CTNND2: variants seen among roughly 807,000 people sequenced by gnomAD.
The protein encoded by CTNND2 is catenin delta 2.
In CTNND2, 22 loss-of-function variants were observed where a neutral mutation model predicts 144.4. The ratio of observed to expected loss-of-function variants is 0.15; its 90% CI spans 0.11 to 0.22. CTNND2 has a LOEUF of 0.22. Among genes scored for constraint, CTNND2 ranks in the 10% least tolerant of loss-of-function variants. The pLI is 1.00. For missense variants in CTNND2, 1,353 were observed against 1,618.8 expected, an observed-to-expected ratio of 0.84 and a Z score of 2.82; for synonymous variants, 751 against 695.6, an observed-to-expected ratio of 1.08 and a Z score of -1.25.
chr5:11,682,740 A>G (rs539301610), intron 2 of CTNND2, among the ~76,000 whole-genome samples: 2 of 152,344 alleles, frequency 1.3e-5, no homozygotes, highest in East Asian at 3.9e-4. Context: ...GTGAAGGGCA[A>G]GTAATACAAG....
chr5:11,433,668 C>G (rs977854234), intron 3 of CTNND2, among the ~76,000 whole-genome samples: 2 of 152,134 alleles, frequency 1.3e-5, no homozygotes, highest in Non-Finnish European at 2.9e-5. Context: ...CACTTTTAAA[C>G]AAGCAGATCT....
chr5:11,055,060 G>A (rs1319185805), intron 16 of CTNND2, among the ~76,000 whole-genome samples: 1 of 152,178 alleles, frequency 6.6e-6, no homozygotes, highest in Non-Finnish European at 1.5e-5. Flanking sequence ...CTGGCTTGAA[G>A]TGTGGCAGGA....
chr5:11,235,073 TGA>T (rs1741478497), intron 10 of CTNND2, among the ~76,000 whole-genome samples: 1 of 152,140 alleles, frequency 6.6e-6, no homozygotes, highest in Non-Finnish European at 1.5e-5. Flanking sequence ...TCTTGGTGTG[TGA>T]GTCATGCCAG....
At chr5:11,180,129 C>T (rs918472934) in intron 11 of CTNND2, among the ~76,000 whole-genome samples, 4 of 152,084 alleles carry the variant, frequency 2.6e-5, no homozygotes, top group African/African-American at 9.7e-5. Context: ...GAGGTGACTG[C>T]ATCATGGGGG....
intron 3 of CTNND2, among the ~76,000 whole-genome samples, chr5:11,459,595 GTTTTCAGGTAGTTC>G (rs1766024944): frequency 1.3e-5 from 2 of 152,106 alleles, no homozygotes; most frequent in South Asian, 4.1e-4. Flanking sequence ...AATATGAAAT[GTTTTCAGGTAGTTC>G]TTTTATTTGT....
At chr5:11,655,605 G>C in intron 2 of CTNND2, among the ~76,000 whole-genome samples, 1 of 152,072 alleles carries the variant, frequency 6.6e-6, no homozygotes, top group Non-Finnish European at 1.5e-5. Context: ...TTTTAAGGAA[G>C]AAGTCCATAC....
intron 3 of CTNND2, among the ~76,000 whole-genome samples, chr5:11,503,168 C>T (rs25936): frequency 0.027 from 4,183 of 152,266 alleles, 142 homozygotes; most frequent in African/African-American, 0.09. Flanking sequence ...CTATCCCCTT[C>T]GCAGTCACAT....
rs574805729 is a variant in CTNND2 at position 11,502,006 on chromosome 5, T to C, written c.287+62938A>G. Among the ~76,000 whole-genome samples, 178 of 123,854 alleles carry C rather than the reference T, an allele frequency of 1.4e-3. 2 individuals are homozygous for C. In the South Asian group the frequency reaches 0.017, roughly 12 times the overall value. 81.3% of individuals were successfully genotyped at this position (123,854 alleles called of 152,430 possible). A position where few individuals can be genotyped will look rare whatever the true frequency, so the allele number is the denominator to read the frequency against. On this transcript the variant is annotated intron_variant, in intron 3 of 21. Transcript: ENST00000304623. Reference sequence around the variant, plus strand: ...TTGCGCTACTGCACTCCAGCCTGGGTGACAGAGCGAGACTCCATCTCAAAA... The same window carrying C: ...TTGCGCTACTGCACTCCAGCCTGGGCGACAGAGCGAGACTCCATCTCAAAA...
intron 1 of CTNND2, among the ~76,000 whole-genome samples, chr5:11,827,252 G>A (rs1039781302): frequency 1.3e-5 from 2 of 152,278 alleles, no homozygotes; most frequent in Admixed American, 1.3e-4. Flanking sequence ...GAAAGTCAAA[G>A]CGAGATTATA....
chr5:11,058,076 A>T (rs1208622970), intron 16 of CTNND2, among the ~76,000 whole-genome samples: 2 of 152,246 alleles, frequency 1.3e-5, no homozygotes, highest in African/African-American at 4.8e-5. Context: ...AGAGCATAAA[A>T]GTTTGGAAAA....
rs1437659073 is a variant in CTNND2 at position 11,385,111 on chromosome 5, G to A, written c.731C>T (p.Pro244Leu). Residue 244 changes from proline (P) to leucine (L), a missense_variant, in exon 7 of 22, where the codon CCG (proline) becomes CTG (leucine). Around this residue, in one of 4 missense-constraint regions of CTNND2, gnomAD observed 708 missense variants for 706.4 expected, o/e 1.00. Transcript: ENST00000304623. The part of the protein sequence containing the change: ...LGSAFHLPDA[P>L]PAAAAAALYY... ...GAGCGCGGCGGCGGCGGCGGCGGGC[G>A]GCGCGTCGGGCAGGTGGAAGGCGCT... The A allele has an allele frequency of 3.9e-6, 4 of 1,026,878 alleles. No individual in the cohort carries two copies. The highest frequency in any genetic ancestry group is 5.4e-5 in the Admixed American group (1 of 18,676). The allele number at this position is 1,026,878 out of a possible 1,614,324, so 63.6% of individuals were successfully genotyped here.
rs1785778712 is a variant in CTNND2, at chr5:11,707,576, T to G, written c.174+24560A>C. Reference sequence around the variant, plus strand: ...CACAGGAAAAAACTACAATAGGTGATGAGTGACAGTCCAAAATCCCCAAAA... The same window carrying G: ...CACAGGAAAAAACTACAATAGGTGAGGAGTGACAGTCCAAAATCCCCAAAA... On this transcript the variant is annotated intron_variant, in intron 2 of 21. Transcript: ENST00000304623. Among the ~76,000 whole-genome samples the G allele has an allele frequency of 2.0e-5, 3 of 152,292 alleles. No homozygotes were observed. The South Asian group carries it at 6.2e-4, about 32-fold the overall frequency.
At chr5:11,029,207 T>C (rs1743188539) in intron 16 of CTNND2, among the ~76,000 whole-genome samples, 1 of 152,364 alleles carries the variant, frequency 6.6e-6, no homozygotes, top group Admixed American at 6.5e-5. Context: ...GTAGGCAACA[T>C]ATAATTGCAT....
chr5:11,653,333 A>C (rs1372927268), intron 2 of CTNND2, among the ~76,000 whole-genome samples: 1 of 151,954 alleles, frequency 6.6e-6, no homozygotes. Flanking sequence ...CCATGCCCTA[A>C]TGTCTCTACC....
intron 2 of CTNND2, among the ~76,000 whole-genome samples, chr5:11,633,775 C>A (rs1316192088): frequency 7.6e-4 from 104 of 136,362 alleles, no homozygotes; most frequent in Middle Eastern, 3.7e-3. Flanking sequence ...GGCACTGTCT[C>A]AAAAAAAAAA....
At chr5:11,353,140 T>C (rs1166125214) in intron 8 of CTNND2, among the ~76,000 whole-genome samples, 1 of 151,210 alleles carries the variant, frequency 6.6e-6, no homozygotes, top group Non-Finnish European at 1.5e-5. Flanking sequence ...AAATGCTACA[T>C]GTATTTGGAG....
At chr5:11,765,107 T>C (rs1291381616) in intron 1 of CTNND2, among the ~76,000 whole-genome samples, 1 of 138,008 alleles carries the variant, frequency 7.2e-6, no homozygotes, top group African/African-American at 2.7e-5. Context: ...GCATTGAGCA[T>C]AGAGAATACC....
intron 1 of CTNND2, among the ~76,000 whole-genome samples, chr5:11,893,214 T>C (rs1306224133): frequency 6.6e-6 from 1 of 152,186 alleles, no homozygotes; most frequent in Admixed American, 6.5e-5. Flanking sequence ...TTTAAGAGAA[T>C]CGGCACATGG....
At chr5:11,538,120 A>C (rs1267218764) in intron 3 of CTNND2, among the ~76,000 whole-genome samples, 3 of 152,194 alleles carry the variant, frequency 2.0e-5, no homozygotes, top group African/African-American at 7.2e-5. Flanking sequence ...ATAGCAAACT[A>C]GCATTTTGTC....
Sources: gnomAD v4.1 joint callset for allele counts (sites outside exome capture counted in the v4.1 genomes callset) on GRCh38, gnomAD v4.1.1 for gene constraint, gnomAD v4.1.1 regional missense constraint, MANE v1.5 for transcripts, NCBI Gene and HGNC (gene_info 2026-07-23, HGNC 2026-07-21) for gene names.